Variants in NCOR2 observed in about 807,000 individuals in gnomAD.
NCOR2 encodes the protein CTG repeat protein 26.
In NCOR2, 81 loss-of-function variants were observed where a neutral mutation model predicts 262.9. The observed-to-expected ratio is 0.31, with a 90% CI of 0.26 to 0.37. The LOEUF (loss-of-function observed/expected upper bound fraction) is 0.37, where lower values mean the gene tolerates loss of function less well. Ranked by LOEUF, NCOR2 falls within the 10% of genes least tolerant of loss-of-function variation. The probability of loss-of-function intolerance (pLI) is 1.00; values close to 1 mark genes in which losing one functional copy is unlikely to be tolerated. For missense variants in NCOR2, 3,385 were observed against 3,621.4 expected (o/e 0.93, Z 1.68); for synonymous variants, 1,659 against 1,559.3 (o/e 1.06, Z -1.51).
chr12:124,346,247 A>G (rs1355772581), intron 31 of NCOR2, among the ~76,000 whole-genome samples: 2 of 152,162 alleles, frequency 1.3e-5, no homozygotes, highest in East Asian at 3.9e-4. Flanking sequence ...CCTCACAAAG[A>G]TTCAACGGAG....
At chr12:124,446,550 C>T (rs1403242720) in intron 7 of NCOR2, among the ~76,000 whole-genome samples, 1 of 152,126 alleles carries the variant, frequency 6.6e-6, no homozygotes, top group Non-Finnish European at 1.5e-5. Flanking sequence ...TTCCACCTGT[C>T]TGGGACACTC....
intron 34 of NCOR2, among the ~76,000 whole-genome samples, chr12:124,341,566 CT>C (rs1181472395): frequency 6.6e-6 from 1 of 152,202 alleles, no homozygotes; most frequent in African/African-American, 2.4e-5. Context: ...CCTGAGGCCC[CT>C]GTATCCTAAG....
At chr12:124,387,511 T>G (rs998027249) in intron 16 of NCOR2, among the ~76,000 whole-genome samples, 5 of 152,318 alleles carry the variant, frequency 3.3e-5, no homozygotes, top group African/African-American at 1.2e-4. Flanking sequence ...AACGCGGGCG[T>G]GGGGCCCCAG....
At chr12:124,386,279 G>A (rs907907796) in intron 16 of NCOR2, among the ~76,000 whole-genome samples, 2 of 152,042 alleles carry the variant, frequency 1.3e-5, no homozygotes, top group Admixed American at 1.3e-4. Flanking sequence ...CTGGGCGGAG[G>A]GCCTGGCCTA....
At chr12:124,493,149 T>C (rs1275356701) in intron 1 of NCOR2, among the ~76,000 whole-genome samples, 1 of 152,070 alleles carries the variant, frequency 6.6e-6, no homozygotes, top group Non-Finnish European at 1.5e-5. Flanking sequence ...GTGTCTAGGG[T>C]CAGCCAGTGA....
At chr12:124,388,633 C>A in intron 16 of NCOR2, 1 of 1,301,006 alleles carries the variant, frequency 7.7e-7, no homozygotes, top group Non-Finnish European at 1.0e-6. Flanking sequence ...CGTTGCGGTC[C>A]CTGTCCCTGC....
At chr12:124,477,882 G>A (rs73423641) in intron 3 of NCOR2, among the ~76,000 whole-genome samples, 1 of 152,196 alleles carries the variant, frequency 6.6e-6, no homozygotes, top group East Asian at 1.9e-4. Context: ...TCAAGCTAGC[G>A]TGAAAGAGAA....
At position 124,483,770 on chromosome 12, in the gene NCOR2, G is replaced by A; in HGVS notation, c.237C>T (p.Ser79=). 1 of 1,597,592 alleles carries A rather than the reference G, an allele frequency of 6.3e-7. No homozygotes were observed. Among genetic ancestry groups the A allele is most frequent in the South Asian group, 1.1e-5 (1 of 88,666 alleles). The change falls in exon 3 of 47, where the codon TCC becomes TCT. Residue 79 remains serine (S), a synonymous_variant. Transcript: ENST00000405201. This position sits in a 1 kb window ranked among gnomAD's most constrained non-coding sequence, Gnocchi z 6.3. ...ACTCTGGCCGCAGGTGGAGCTCCTG[G>A]GACCTGCAGGAGGTGAGGCATCCAA...
At position 124,327,504 on chromosome 12, in the gene NCOR2, T is replaced by C; in HGVS notation, c.7088A>G (p.Asn2363Ser). The C allele has an allele frequency of 6.2e-7, 1 of 1,613,762 alleles. No homozygotes were observed. Among genetic ancestry groups the C allele is most frequent in the Non-Finnish European group, 8.5e-7 (1 of 1,179,984 alleles). ...ACTGGCATTCAGAGGGTTAAAAGCA[T>C]TGGCGCTGAGCGGCGGGGACTCTTC... Residue 2363 changes from asparagine (N) to serine (S), a missense_variant, in exon 45 of 47, where the codon AAT becomes AGT. By Grantham distance (46) the Asn-to-Ser change is conservative. Around this residue, in one of 5 missense-constraint regions of NCOR2, gnomAD observed 1,017 missense variants for 967.2 expected, o/e 1.05. Coordinates refer to ENST00000405201, the Ensembl canonical transcript of NCOR2.
At chr12:124,536,604 C>T (rs1158652000), upstream of NCOR2, among the ~76,000 whole-genome samples, 9 of 152,152 alleles carry the variant, frequency 5.9e-5, no homozygotes, top group African/African-American at 1.7e-4. Context: ...ATTAAAACCA[C>T]GAAAGACCAC....
intron 1 of NCOR2, among the ~76,000 whole-genome samples, chr12:124,487,338 C>T (rs1264768862): frequency 6.6e-6 from 1 of 152,252 alleles, no homozygotes; most frequent in African/African-American, 2.4e-5. Context: ...CAAGGCCGCC[C>T]TGTAAAAGAG....
At chr12:124,426,831 C>T in intron 10 of NCOR2, 31 bp from the exon 13 acceptor site, 1 of 1,534,996 alleles carries the variant, frequency 6.5e-7, no homozygotes, top group Non-Finnish European at 8.8e-7. Context: ...GGGTCAGAGG[C>T]CCAGGGACGA....
At chr12:124,430,001 T>C (rs1328953481) in intron 9 of NCOR2, among the ~76,000 whole-genome samples, 6 of 152,198 alleles carry the variant, frequency 3.9e-5, no homozygotes, top group Non-Finnish European at 8.8e-5. Flanking sequence ...TCTTTGGCCC[T>C]GGGCCGAAGT....
chr12:124,390,483 C>CCCT (rs1555215626), intron 16 of NCOR2, among the ~76,000 whole-genome samples: 1 of 151,764 alleles, frequency 6.6e-6, no homozygotes, highest in African/African-American at 2.4e-5. Flanking sequence ...AAGTGACCCC[C>CCCT]CCCCGTCGCC....
chr12:124,419,447 A>G (rs2043092375), intron 13 of NCOR2, among the ~76,000 whole-genome samples: 1 of 152,236 alleles, frequency 6.6e-6, no homozygotes, highest in African/African-American at 2.4e-5. Context: ...CCTCTGCTCT[A>G]GCGTAAATAA....
At chr12:124,385,846 T>C (rs1418847146) in exon 17 of NCOR2, 3 of 1,613,686 alleles carry the variant, frequency 1.9e-6, no homozygotes, top group Non-Finnish European at 1.7e-6. Context: ...GAGCCCACCA[T>C]CCGGGCGATG....
intron 27 of NCOR2, among the ~76,000 whole-genome samples, chr12:124,353,735 C>T (rs1330396973): frequency 6.6e-6 from 1 of 152,246 alleles, no homozygotes; most frequent in African/African-American, 2.4e-5. Flanking sequence ...TTTCTTCTGG[C>T]CACAGCTGAC....
chr12:124,354,841 C>G, exon 25 of NCOR2: 1 of 1,612,660 alleles, frequency 6.2e-7, no homozygotes. Context: ...CCTTACCCAG[C>G]TTTTTGGGGT....
At chr12:124,358,151 G>C (rs910132832) in intron 22 of NCOR2, among the ~76,000 whole-genome samples, 7 of 149,752 alleles carry the variant, frequency 4.7e-5, no homozygotes, top group African/African-American at 1.8e-4. Flanking sequence ...GCATGGATGT[G>C]TGTGTGTGCC....
Sources: gnomAD v4.1 joint callset for allele counts (sites outside exome capture counted in the v4.1 genomes callset) on GRCh38, gnomAD v4.1.1 for gene constraint, gnomAD v4.1.1 regional missense constraint, Gnocchi (gnomAD v3.1) non-coding constraint, MANE v1.5 for transcripts, NCBI Gene and HGNC (gene_info 2026-07-23, HGNC 2026-07-21) for gene names.